Variants in MAJIN observed in about 807,000 individuals in gnomAD.
The protein encoded by MAJIN is membrane anchored junction protein, also known as membrane-anchored junction protein.
Under a neutral mutation model 30.2 loss-of-function variants are expected in MAJIN, and 27 were observed. The ratio of observed to expected loss-of-function variants is 0.89; its 90% CI spans 0.66 to 1.23. The LOEUF (loss-of-function observed/expected upper bound fraction) is 1.23. MAJIN is among the 50% of genes most tolerant of loss of function. The pLI is 0.00. For missense variants in MAJIN, 253 were observed against 260.3 expected, an observed-to-expected ratio of 0.97 and a Z score of 0.19; for synonymous variants, 78 against 91.6, an observed-to-expected ratio of 0.85 and a Z score of 0.85.
At chr11:64,947,727 T>C (rs886765830) in intron 7 of MAJIN, 61 bp downstream of exon 7, 19 of 1,556,018 alleles carry the variant, frequency 1.2e-5, no homozygotes, top group South Asian at 3.3e-5. Flanking sequence ...AGAGCAGGAC[T>C]TTTTGGAAAA....
At chr11:64,964,828 C>T (rs149359196) in intron 1 of MAJIN, among the ~76,000 whole-genome samples, 2 of 152,094 alleles carry the variant, frequency 1.3e-5, no homozygotes, top group East Asian at 3.9e-4. Flanking sequence ...TCAAGAGATC[C>T]ACCCACCTTG....
At chr11:64,967,107 C>T (rs746545012) in intron 1 of MAJIN, among the ~76,000 whole-genome samples, 3 of 150,986 alleles carry the variant, frequency 2.0e-5, no homozygotes, top group Non-Finnish European at 4.4e-5. Flanking sequence ...TCGTCTGTAT[C>T]ATATAAAAAA....
Position 64,938,791 on chromosome 11 carries a change from A to T in MAJIN, c.*2-218T>A, listed in dbSNP as rs7124426. Among the ~76,000 whole-genome samples the T allele has an allele frequency of 2.8e-3, 422 of 152,346 alleles. 1 individual carries two copies. The highest frequency in any genetic ancestry group is 9.8e-3 in the African/African-American group (408 of 41,576). ...TTGCAATGGGATGGCAGAGAGAGAG[A>T]GAGACAGAGAGAGACATTTGCTAAC... On this transcript the variant is annotated intron_variant, in intron 10 of 10. Transcript: ENST00000301896.
intron 1 of MAJIN, among the ~76,000 whole-genome samples, chr11:64,964,214 G>C (rs1590707187): frequency 2.0e-5 from 3 of 152,090 alleles, no homozygotes; most frequent in Admixed American, 2.0e-4. Flanking sequence ...AAAGTGCTGG[G>C]ATTACAGGCG....
intron 1 of MAJIN, among the ~76,000 whole-genome samples, chr11:64,964,088 C>T (rs866994207): frequency 6.6e-6 from 1 of 152,096 alleles, no homozygotes; most frequent in South Asian, 2.1e-4. Context: ...GGATTACAGG[C>T]ATGCACCATC....
chr11:64,948,628 TATATATATATA>T (rs1419741720), intron 6 of MAJIN, among the ~76,000 whole-genome samples: 14 of 50,122 alleles, frequency 2.8e-4, no homozygotes, highest in African/African-American at 1.3e-3. Flanking sequence ...TATATATATA[TATATATATATA>T]TTTTTTTTTT....
chr11:64,947,527 G>T, intron 7 of MAJIN, 62 bp from the exon 8 acceptor site: 1 of 1,512,660 alleles, frequency 6.6e-7, no homozygotes, highest in Non-Finnish European at 9.1e-7. Context: ...GTTCATGAAG[G>T]CACAGTGAAG....
chr11:64,948,602 C>CATATACATATATATAT (rs1945488168), intron 6 of MAJIN, among the ~76,000 whole-genome samples: 1 of 19,420 alleles, frequency 5.1e-5, no homozygotes, highest in South Asian at 4.0e-3. Flanking sequence ...CGGGCTACAT[C>CATATACATATATATAT]ATATATATAT....
intron 8 of MAJIN, chr11:64,946,147 C>G (rs2136735495): frequency 6.5e-7 from 1 of 1,535,372 alleles, no homozygotes; most frequent in Non-Finnish European, 8.7e-7. Flanking sequence ...AAGTCCCTAT[C>G]TTGGCCCTGA....
At chr11:64,971,509 G>T (rs1480243720) in intron 1 of MAJIN, among the ~76,000 whole-genome samples, 1 of 151,838 alleles carries the variant, frequency 6.6e-6, no homozygotes, top group Non-Finnish European at 1.5e-5. Context: ...AGCGCTGGGT[G>T]TGGAGTGGGG....
intron 8 of MAJIN, among the ~76,000 whole-genome samples, chr11:64,946,730 A>C (rs911101804): frequency 1.3e-5 from 2 of 152,182 alleles, no homozygotes; most frequent in African/African-American, 4.8e-5. Context: ...TTCCAGCAGC[A>C]TTCTTATTAG....
intron 1 of MAJIN, among the ~76,000 whole-genome samples, chr11:64,968,106 C>G (rs988152031): frequency 6.6e-6 from 1 of 151,892 alleles, no homozygotes; most frequent in African/African-American, 2.4e-5. Context: ...GTGGCTAGAA[C>G]ATTGAGAATG....
At chr11:64,940,497 C>CT (rs1201964967) in intron 9 of MAJIN, 77 bp downstream of exon 9, 1 of 1,452,158 alleles carries the variant, frequency 6.9e-7, no homozygotes, top group African/African-American at 1.4e-5. Flanking sequence ...CAGCTCTGTG[C>CT]TGCTCTACAT....
chr11:64,942,033 A>C (rs1307439379), intron 8 of MAJIN, among the ~76,000 whole-genome samples: 1 of 152,190 alleles, frequency 6.6e-6, no homozygotes, highest in Non-Finnish European at 1.5e-5. Context: ...TGTACTCTGA[A>C]GAGGACATTT....
intron 4 of MAJIN, chr11:64,954,556 C>A: frequency 1.4e-6 from 1 of 690,966 alleles, no homozygotes; most frequent in Non-Finnish European, 2.6e-6. Context: ...GCTGACATTT[C>A]AACTAGGAAA....
intron 3 of MAJIN, among the ~76,000 whole-genome samples, chr11:64,958,655 T>A (rs989773061): frequency 2.9e-5 from 4 of 139,876 alleles, no homozygotes; most frequent in African/African-American, 1.1e-4. Flanking sequence ...TGAAAAAATA[T>A]ATATATATTT....
rs542835431 is a variant in MAJIN, at chr11:64,967,559, T to A, written c.-65+4318A>T. Among the ~76,000 whole-genome samples, 24 of 152,182 alleles carry A rather than the reference T, an allele frequency of 1.6e-4. 1 individual carries two copies. The Middle Eastern group carries it at 0.01, about 65-fold the overall frequency. On this transcript the variant is annotated intron_variant, in intron 1 of 10. Transcript: ENST00000301896. ...GAGCTAGTGAGGCACAAATGGAGAA[T>A]GGATGGTGGGTCTGGGGTGGGTAGA... is the stretch of plus-strand genomic sequence containing the variant.
At chr11:64,962,002 G>T (rs780534486) in intron 1 of MAJIN, among the ~76,000 whole-genome samples, 6 of 151,892 alleles carry the variant, frequency 4.0e-5, no homozygotes, top group Non-Finnish European at 7.4e-5. Flanking sequence ...GCCCAGGCTA[G>T]TCTTGAACTC....
intron 8 of MAJIN, among the ~76,000 whole-genome samples, chr11:64,944,159 T>C (rs1456500251): frequency 1.3e-5 from 2 of 152,262 alleles, no homozygotes; most frequent in African/African-American, 2.4e-5. Context: ...CCTTTAGAAA[T>C]GAAAATAACT....
Sources: gnomAD v4.1 joint callset for allele counts (sites outside exome capture counted in the v4.1 genomes callset) on GRCh38, gnomAD v4.1.1 for gene constraint, MANE v1.5 for transcripts, NCBI Gene and HGNC (gene_info 2026-07-23, HGNC 2026-07-21) for gene names.